The following DSCAM variants were observed in gnomAD, a reference collection of about 807,000 sequenced individuals.
The protein encoded by DSCAM is cell adhesion molecule DSCAM.
Under a neutral mutation model 217.7 loss-of-function variants are expected in DSCAM, and 47 were observed. The observed-to-expected ratio is 0.22, with a 90% CI of 0.17 to 0.28. The LOEUF is 0.28. Among genes scored for constraint, DSCAM ranks in the 10% least tolerant of loss-of-function variants. The pLI, the probability that DSCAM is intolerant of heterozygous loss-of-function variation, is 1.00. For missense variants in DSCAM, 2,080 were observed against 2,618.3 expected (o/e 0.79, Z 4.49); for synonymous variants, 1,056 against 1,015.3 (o/e 1.04, Z -0.76).
chr21:40,554,477 T>G (rs2076655646), intron 3 of DSCAM, among the ~76,000 whole-genome samples: 1 of 152,176 alleles, frequency 6.6e-6, no homozygotes. Context: ...CTTCACCTTG[T>G]GGACAATTTT....
intron 6 of DSCAM, among the ~76,000 whole-genome samples, chr21:40,347,359 T>C (rs1569076772): frequency 6.6e-6 from 1 of 151,628 alleles, no homozygotes; most frequent in Non-Finnish European, 1.5e-5. Flanking sequence ...GGTCTAGAGA[T>C]GAATAATCAA....
chr21:40,241,843 G>A (rs2073157282), intron 11 of DSCAM, among the ~76,000 whole-genome samples: 1 of 152,210 alleles, frequency 6.6e-6, no homozygotes, highest in South Asian at 2.1e-4. Context: ...CACGTCTTTT[G>A]TAGGGACATC....
intron 3 of DSCAM, among the ~76,000 whole-genome samples, chr21:40,453,855 T>C (rs551167127): frequency 4.1e-4 from 62 of 152,222 alleles, no homozygotes; most frequent in Non-Finnish European, 8.2e-4. Context: ...TAAAAGGAAG[T>C]AAGAGCCTTG....
intron 11 of DSCAM, 87 bp from the exon 12 acceptor site, chr21:40,189,325 A>G (rs2146831038): frequency 1.9e-6 from 2 of 1,064,742 alleles, no homozygotes; most frequent in Non-Finnish European, 1.3e-6. Context: ...CCATGCTTCA[A>G]GAGATATTTC....
intron 3 of DSCAM, among the ~76,000 whole-genome samples, chr21:40,381,079 A>AAAAAAG: frequency 1.3e-5 from 2 of 149,896 alleles, no homozygotes. Context: ...AAAAAAAAAA[A>AAAAAAG]AAAAAGAAAA....
Position 40,075,165 on chromosome 21 carries a change from A to G in DSCAM, c.4760T>C (p.Leu1587Pro). 1 of 1,614,232 alleles carries G rather than the reference A, an allele frequency of 6.2e-7. No individual in the cohort carries two copies. Among genetic ancestry groups the G allele is most frequent in the Non-Finnish European group, 8.5e-7 (1 of 1,180,040 alleles). The change falls in exon 27 of 33, where the codon CTG becomes CCG. Residue 1587 changes from leucine (L) to proline (P), a missense_variant. Physicochemically the swap from Leu to Pro is moderately conservative, Grantham distance 98. Transcript: ENST00000400454. ...IKSVVQNEEG[L>P]TTNEGLKMLV... ...CATCTTGAGCCCCTCGTTGGTCGTC[A>G]GCCCTTCTTCGTTTTGGACAACTGA...
chr21:40,015,414 ACT>A (rs1491164416), intron 32 of DSCAM, among the ~76,000 whole-genome samples: 2 of 76,032 alleles, frequency 2.6e-5, no homozygotes, highest in East Asian at 6.4e-4. Context: ...ATATCTCTTG[ACT>A]CTTTTTTTTT....
At chr21:40,666,733 T>C (rs1225549666) in intron 3 of DSCAM, among the ~76,000 whole-genome samples, 4 of 152,244 alleles carry the variant, frequency 2.6e-5, no homozygotes, top group Non-Finnish European at 5.9e-5. Flanking sequence ...TTCAGGTCTA[T>C]GGGACCAGTT....
chr21:40,756,043 C>A (rs1164363632), intron 1 of DSCAM, among the ~76,000 whole-genome samples: 2 of 152,106 alleles, frequency 1.3e-5, no homozygotes, highest in Admixed American at 1.3e-4. Context: ...TGTGGCCCTG[C>A]CAAAAACTTA....
chr21:40,578,436 T>C (rs1167545197), intron 3 of DSCAM, among the ~76,000 whole-genome samples: 5 of 40,734 alleles, frequency 1.2e-4, no homozygotes, highest in African/African-American at 3.4e-4. Context: ...CAATCAGCAC[T>C]CTGTAAAACA....
At position 40,609,152 on chromosome 21, in the gene DSCAM, G is replaced by GCCA. The variant is rs576151893; in HGVS notation, c.508+83655_508+83657dup. Among the ~76,000 whole-genome samples, 90 of 152,102 alleles carry GCCA rather than the reference G, an allele frequency of 5.9e-4. 2 individuals carry two copies. The East Asian group carries it at 7.0e-3, about 12-fold the overall frequency. On this transcript the variant is annotated intron_variant, in intron 3 of 32. Coordinates refer to ENST00000400454, the MANE Select transcript of DSCAM (RefSeq NM_001389.5). ...GTATTTTTAGAAAAGATGGGATTTT[G>GCCA]CCATGTTGCCCAGGCTGGACTGGAA...
At chr21:40,756,863 T>C (rs2091281217) in intron 1 of DSCAM, among the ~76,000 whole-genome samples, 2 of 152,136 alleles carry the variant, frequency 1.3e-5, no homozygotes, top group Non-Finnish European at 2.9e-5. Context: ...CCATACAGTT[T>C]GCACATCTTA....
chr21:40,243,226 T>C (rs1002715386), intron 11 of DSCAM, among the ~76,000 whole-genome samples: 2 of 152,072 alleles, frequency 1.3e-5, no homozygotes, highest in Admixed American at 6.6e-5. Flanking sequence ...CAATTTAGAA[T>C]TAAAGCAGAT....
chr21:40,633,019 C>G (rs1488891020), intron 3 of DSCAM, among the ~76,000 whole-genome samples: 1 of 152,196 alleles, frequency 6.6e-6, no homozygotes, highest in Non-Finnish European at 1.5e-5. Flanking sequence ...ATGGCAGGAA[C>G]TTAATTATCC....
chr21:40,353,405 A>T, intron 5 of DSCAM, 60 bp downstream of exon 5: 1 of 1,576,606 alleles, frequency 6.3e-7, no homozygotes, highest in South Asian at 1.2e-5. Flanking sequence ...AGATTTGCTT[A>T]TAACAGGAGC....
intron 3 of DSCAM, among the ~76,000 whole-genome samples, chr21:40,480,537 G>A (rs926327404): frequency 6.6e-6 from 1 of 152,152 alleles, no homozygotes; most frequent in Admixed American, 6.5e-5. Context: ...TAGTCAAGAG[G>A]AATTTTTAAT....
intron 11 of DSCAM, among the ~76,000 whole-genome samples, chr21:40,202,568 G>C (rs2091081557): frequency 1.3e-5 from 2 of 152,140 alleles, no homozygotes; most frequent in Non-Finnish European, 2.9e-5. Flanking sequence ...CCCCCTCCTA[G>C]GGTTGCTGTA....
At chr21:40,197,474 A>G (rs952943588) in intron 11 of DSCAM, among the ~76,000 whole-genome samples, 4 of 152,236 alleles carry the variant, frequency 2.6e-5, no homozygotes, top group African/African-American at 9.6e-5. Context: ...ACTGGAAATG[A>G]CTAGACCTAT....
rs984983901 is a variant in DSCAM at position 40,109,475 on chromosome 21, C to T, written c.3696+14720G>A. On this transcript the variant is annotated intron_variant, in intron 20 of 32. Transcript: ENST00000400454. ...GCGGAATAGGAACAGCTCCAGTCTA[C>T]AGCTCCCAGTGTGAGCGACGCAGAA... is the stretch of plus-strand genomic sequence containing the variant. Among the ~76,000 whole-genome samples, 10 of 152,326 alleles carry T rather than the reference C, an allele frequency of 6.6e-5. 1 individual carries two copies. The highest frequency in any genetic ancestry group is 1.9e-4 in the East Asian group (1 of 5,180).
Sources: gnomAD v4.1 joint callset for allele counts (sites outside exome capture counted in the v4.1 genomes callset) on GRCh38, gnomAD v4.1.1 for gene constraint, MANE v1.5 for transcripts, NCBI Gene and HGNC (gene_info 2026-07-23, HGNC 2026-07-21) for gene names.